Variants in ZNF565 observed in about 807,000 individuals in gnomAD.
ZNF565 encodes the protein zinc finger protein 565.
A neutral mutation model predicts 39.4 loss-of-function variants in ZNF565; 27 were observed. The observed-to-expected ratio is 0.69, with a 90% CI of 0.51 to 0.95. The LOEUF (loss-of-function observed/expected upper bound fraction) is 0.95, where lower values mean the gene tolerates loss of function less well. Among genes scored for constraint, ZNF565 ranks in the 40% least tolerant of loss-of-function variants. The pLI is 0.00. For synonymous variants in ZNF565, 185 were observed against 216.6 expected (o/e 0.85, Z 1.28); for missense variants, 524 against 621.1 (o/e 0.84, Z 1.66).
intron 1 of ZNF565, among the ~76,000 whole-genome samples, chr19:36,223,359 CT>C (rs1976936357): frequency 6.7e-6 from 1 of 149,654 alleles, no homozygotes; most frequent in African/African-American, 2.5e-5. Flanking sequence ...AAAAAAAAAT[CT>C]AGTTACATTT....
At chr19:36,231,455 C>T (rs1415158960) in intron 1 of ZNF565, among the ~76,000 whole-genome samples, 1 of 152,014 alleles carries the variant, frequency 6.6e-6, no homozygotes, top group Admixed American at 6.6e-5. Context: ...GTGATCTGCC[C>T]GCCTCAGCCT....
At chr19:36,235,391 A>G (rs1345751132) in intron 1 of ZNF565, among the ~76,000 whole-genome samples, 2 of 152,136 alleles carry the variant, frequency 1.3e-5, no homozygotes, top group East Asian at 3.8e-4. Context: ...GGACCCATGA[A>G]TGTTAATTTT....
chr19:36,190,720 T>C (rs964626763), intron 4 of ZNF565, among the ~76,000 whole-genome samples: 1 of 151,496 alleles, frequency 6.6e-6, no homozygotes, highest in African/African-American at 2.4e-5. Context: ...CGGTGGCTCA[T>C]GCCTGTAATC....
At chr19:36,216,901 T>C (rs150576185), upstream of ZNF565, among the ~76,000 whole-genome samples, 52 of 133,972 alleles carry the variant, frequency 3.9e-4, 1 homozygote, top group East Asian at 0.011. Flanking sequence ...GTCCAGGAGT[T>C]AGAGACCAGC....
chr19:36,202,406 C>A lies in ZNF565; in HGVS notation c.-65-356G>T, dbSNP rs34674717. On this transcript the variant is annotated intron_variant, in intron 1 of 4. Transcript: ENST00000304116. Reference sequence around the variant, plus strand: ...AAAAACAAAACAACAACAACAACAACAAAAAAAAACTGCAGAGTTAAGAAA... The same window carrying A: ...AAAAACAAAACAACAACAACAACAAAAAAAAAAAACTGCAGAGTTAAGAAA... Among the ~76,000 whole-genome samples, 365 of 101,530 alleles carry A rather than the reference C, an allele frequency of 3.6e-3. 2 individuals are homozygous for A. In the East Asian group the frequency reaches 0.072, roughly 20 times the overall value. 66.6% of individuals were successfully genotyped at this position (101,530 alleles called of 152,430 possible).
intron 1 of ZNF565, among the ~76,000 whole-genome samples, chr19:36,206,011 G>A (rs754148717): frequency 6.6e-6 from 1 of 151,518 alleles, no homozygotes; most frequent in Non-Finnish European, 1.5e-5. Flanking sequence ...ACCGAGGCTG[G>A]AGTGCACTGA....
intron 1 of ZNF565, among the ~76,000 whole-genome samples, chr19:36,221,927 C>CTTTTTTTTTTTT (rs60347994): frequency 1.5e-3 from 165 of 109,746 alleles, no homozygotes; most frequent in Non-Finnish European, 2.0e-3. Flanking sequence ...TTTTTTCTTT[C>CTTTTTTTTTTTT]TTTTTTTTTT....
At chr19:36,211,402 C>T (rs1179866022) in intron 1 of ZNF565, among the ~76,000 whole-genome samples, 1 of 151,106 alleles carries the variant, frequency 6.6e-6, no homozygotes, top group East Asian at 1.9e-4. Flanking sequence ...GAGATCATGT[C>T]ACTGCATTCC....
At chr19:36,209,245 C>A (rs549274715) in intron 1 of ZNF565, among the ~76,000 whole-genome samples, 1 of 152,134 alleles carries the variant, frequency 6.6e-6, no homozygotes, top group Admixed American at 6.5e-5. Context: ...GAACAAAGAA[C>A]CGGGGCTGGG....
At chr19:36,220,566 G>A (rs55914742) in intron 1 of ZNF565, among the ~76,000 whole-genome samples, 1 of 151,928 alleles carries the variant, frequency 6.6e-6, no homozygotes, top group Non-Finnish European at 1.5e-5. Flanking sequence ...GGGTTTCACC[G>A]TGTTAGCCAG....
rs968608891 is a variant in ZNF565, at chr19:36,245,460, G to C, written c.55+16C>G. On this transcript the variant is annotated intron_variant, in intron 1 of 4. Coordinates refer to the ZNF565 transcript ENST00000355114. The surrounding 1 kb of genome is among the most constrained non-coding windows in gnomAD (Gnocchi z 4.4). The stretch of plus-strand genomic sequence containing the variant: ...GATCACATTTCCCGTGGTCCACCGC[G>C]CATCTAGGAGGTTACCTGCGTCCAG... 3 of 702,248 alleles carry C rather than the reference G, an allele frequency of 4.3e-6. No individual in the cohort carries two copies. The highest frequency in any genetic ancestry group is 3.0e-5 in the South Asian group (2 of 67,588). 43.5% of individuals were successfully genotyped at this position (702,248 alleles called of 1,614,324 possible). A position where few individuals can be genotyped will look rare whatever the true frequency, so the allele number is the denominator to read the frequency against.
intron 1 of ZNF565, among the ~76,000 whole-genome samples, chr19:36,220,774 A>G (rs1347270909): frequency 4.6e-5 from 7 of 152,174 alleles, no homozygotes; most frequent in Non-Finnish European, 1.0e-4. Flanking sequence ...TGCTGATACT[A>G]GTAGTAACCA....
intron 4 of ZNF565, among the ~76,000 whole-genome samples, chr19:36,190,511 A>G (rs7249719): frequency 0.61 from 91,575 of 150,562 alleles, 29,037 homozygotes; most frequent in African/African-American, 0.8. Context: ...GGGAGGCGGA[A>G]GTTGCGATGA....
rs567910951 is a variant in ZNF565, at chr19:36,206,539, T to C, written c.-65-4489A>G. Among the ~76,000 whole-genome samples, 5 of 152,186 alleles carry C rather than the reference T, an allele frequency of 3.3e-5. No homozygotes were observed. The South Asian group carries it at 1.0e-3, about 32-fold the overall frequency. The stretch of plus-strand genomic sequence containing the variant: ...CATGATATTGATATTCCTAATTATA[T>C]GTCAGGTGGGGCCAGGCACAGTGGC... On this transcript the variant is annotated intron_variant, in intron 1 of 4. Transcript: ENST00000304116.
Position 36,245,806 on chromosome 19 carries a change from G to A in ZNF565, c.-276C>T, listed in dbSNP as rs896471564. ...GTGCCGGAGGCTACTCTTGAGTCCC[G>A]GTTCCTTCGCCCAGCTGCGGGCCTC... On this transcript the variant is annotated 5_prime_UTR_variant, in exon 1 of 5. Coordinates refer to the ZNF565 transcript ENST00000355114. The surrounding 1 kb of genome is among the most constrained non-coding windows in gnomAD (Gnocchi z 4.4). The A allele has an allele frequency of 4.5e-5, 19 of 417,856 alleles. No homozygotes were observed. The East Asian group carries it at 8.0e-4, about 18-fold the overall frequency. 25.9% of individuals were successfully genotyped at this position (417,856 alleles called of 1,614,324 possible). A position where few individuals can be genotyped will look rare whatever the true frequency, so the allele number is the denominator to read the frequency against.
intron 1 of ZNF565, chr19:36,237,432 C>T (rs1351987433): frequency 7.4e-7 from 1 of 1,353,454 alleles, no homozygotes; most frequent in African/African-American, 1.5e-5. Context: ...TTAACTTTAA[C>T]AAGTACTAAA....
chr19:36,205,164 G>A (rs1021440841), intron 1 of ZNF565, among the ~76,000 whole-genome samples: 3 of 152,078 alleles, frequency 2.0e-5, no homozygotes, highest in African/African-American at 7.2e-5. Flanking sequence ...GAGGTGTGTC[G>A]TTCGCTTAAG....
intron 1 of ZNF565, among the ~76,000 whole-genome samples, chr19:36,214,111 G>A (rs1267932010): frequency 6.6e-6 from 1 of 151,578 alleles, no homozygotes; most frequent in Non-Finnish European, 1.5e-5. Flanking sequence ...ACCCACACAA[G>A]CAGTGGCACC....
At chr19:36,204,052 C>T (rs769346587) in intron 1 of ZNF565, among the ~76,000 whole-genome samples, 8 of 150,556 alleles carry the variant, frequency 5.3e-5, no homozygotes, top group Non-Finnish European at 1.0e-4. Flanking sequence ...CATACTCAAG[C>T]GATCCTTCCA....
Sources: gnomAD v4.1 joint callset for allele counts (sites outside exome capture counted in the v4.1 genomes callset) on GRCh38, gnomAD v4.1.1 for gene constraint, Gnocchi (gnomAD v3.1) non-coding constraint, MANE v1.5 for transcripts, NCBI Gene and HGNC (gene_info 2026-07-23, HGNC 2026-07-21) for gene names.